TRHDE: variants seen among roughly 807,000 people sequenced by gnomAD.
TRHDE encodes the protein thyrotropin-releasing hormone-degrading ectoenzyme.
A neutral mutation model predicts 125.7 loss-of-function variants in TRHDE; 72 were observed. That is an observed-to-expected ratio of 0.57 (90% CI 0.47 to 0.70). The LOEUF (loss-of-function observed/expected upper bound fraction) is 0.70, where lower values mean the gene tolerates loss of function less well. Ranked by LOEUF, TRHDE falls within the 30% of genes least tolerant of loss-of-function variation. The pLI is 0.00. For missense variants in TRHDE, 1,110 were observed against 1,327.1 expected, an observed-to-expected ratio of 0.84 and a Z score of 2.54; for synonymous variants, 509 against 509.1, an observed-to-expected ratio of 1.00 and a Z score of 0.00.
intron 2 of TRHDE, among the ~76,000 whole-genome samples, chr12:72,153,198 T>C (rs1408280775): frequency 6.6e-6 from 1 of 152,228 alleles, no homozygotes. Flanking sequence ...GTGTTTATAG[T>C]ATTCTCTGAT....
At chr12:72,475,574 A>C (rs1876852631) in intron 5 of TRHDE, among the ~76,000 whole-genome samples, 1 of 152,146 alleles carries the variant, frequency 6.6e-6, no homozygotes, top group African/African-American at 2.4e-5. Context: ...TTTCTTCATC[A>C]TTTTATCAGT....
intron 12 of TRHDE, among the ~76,000 whole-genome samples, chr12:72,608,173 C>T (rs1157542883): frequency 6.6e-6 from 1 of 152,114 alleles, no homozygotes; most frequent in Non-Finnish European, 1.5e-5. Flanking sequence ...GTAGAGGAAG[C>T]AATTACTCCC....
At chr12:72,521,412 A>G (rs1879188295) in intron 6 of TRHDE, among the ~76,000 whole-genome samples, 1 of 152,198 alleles carries the variant, frequency 6.6e-6, no homozygotes, top group Admixed American at 6.5e-5. Context: ...TGGAGCTCAG[A>G]GACCCTGAGT....
chr12:72,321,716 A>G (rs1869104121), intron 2 of TRHDE, among the ~76,000 whole-genome samples: 1 of 152,186 alleles, frequency 6.6e-6, no homozygotes, highest in Admixed American at 6.5e-5. Context: ...TGAATGCATT[A>G]TAGAGGTATA....
intron 3 of TRHDE, among the ~76,000 whole-genome samples, chr12:72,459,619 A>T (rs931385526): frequency 6.6e-6 from 1 of 152,018 alleles, no homozygotes; most frequent in Non-Finnish European, 1.5e-5. Context: ...GCTAGAGTAT[A>T]AGCATTTTTT....
chr12:72,517,976 G>A (rs1878967851), intron 6 of TRHDE, among the ~76,000 whole-genome samples: 2 of 151,352 alleles, frequency 1.3e-5, no homozygotes, highest in African/African-American at 4.9e-5. Flanking sequence ...TCTTAATCCT[G>A]AGTTCTAGTT....
At chr12:72,525,784 C>T (rs1868324759) in intron 6 of TRHDE, among the ~76,000 whole-genome samples, 1 of 151,964 alleles carries the variant, frequency 6.6e-6, no homozygotes, top group African/African-American at 2.4e-5. Context: ...TCTTGCAGAT[C>T]AATACTTAAA....
intron 12 of TRHDE, among the ~76,000 whole-genome samples, chr12:72,614,102 T>C (rs1872722539): frequency 6.6e-6 from 1 of 151,688 alleles, no homozygotes; most frequent in Non-Finnish European, 1.5e-5. Flanking sequence ...ATCAGGAAGA[T>C]AGCATCAATC....
chr12:72,450,732 T>C (rs1178297049), intron 3 of TRHDE, among the ~76,000 whole-genome samples: 1 of 152,146 alleles, frequency 6.6e-6, no homozygotes, highest in Non-Finnish European at 1.5e-5. Flanking sequence ...GTTTTCATAA[T>C]GGCTGTAATA....
intron 3 of TRHDE, among the ~76,000 whole-genome samples, 184 bp downstream of exon 3, chr12:72,378,305 C>T (rs1871989535): frequency 6.6e-6 from 1 of 152,042 alleles, no homozygotes; most frequent in African/African-American, 2.4e-5. Flanking sequence ...GGAATCTTGC[C>T]AATAAGTGCT....
At chr12:72,135,202 A>G (rs568601935) in intron 2 of TRHDE, among the ~76,000 whole-genome samples, 2 of 152,222 alleles carry the variant, frequency 1.3e-5, no homozygotes, top group Non-Finnish European at 2.9e-5. Flanking sequence ...CCAGAGGCGT[A>G]ATCGGAATGA....
At chr12:72,457,690 G>C (rs1243346889) in intron 3 of TRHDE, among the ~76,000 whole-genome samples, 1 of 151,974 alleles carries the variant, frequency 6.6e-6, no homozygotes, top group Non-Finnish European at 1.5e-5. Flanking sequence ...AATGTTGTGT[G>C]AACTACTAGT....
intron 2 of TRHDE, among the ~76,000 whole-genome samples, chr12:72,177,514 A>G (rs1368921178): frequency 6.6e-6 from 1 of 152,160 alleles, no homozygotes; most frequent in Non-Finnish European, 1.5e-5. Context: ...TATGACCAGT[A>G]AGAACAAAAT....
intron 6 of TRHDE, among the ~76,000 whole-genome samples, chr12:72,513,694 C>T (rs797002188): frequency 2.0e-5 from 3 of 151,822 alleles, no homozygotes; most frequent in Non-Finnish European, 2.9e-5. Context: ...CTTGAAGACA[C>T]AGAGATTTTT....
chr12:72,226,313 T>A (rs1436479107), intron 2 of TRHDE, among the ~76,000 whole-genome samples: 1 of 152,224 alleles, frequency 6.6e-6, no homozygotes, highest in African/African-American at 2.4e-5. Context: ...GAGGAGAAAC[T>A]GCTCATATTA....
rs74103685 is a variant in TRHDE, at chr12:72,259,732, C to T, written n.280-118263C>T. 5.0e-3 allele frequency among the ~76,000 whole-genome samples: 758 copies of T among 152,192 alleles called. 11 individuals are homozygous for T. Among genetic ancestry groups the T allele is most frequent in the African/African-American group, 0.017 (723 of 41,518 alleles). On this transcript the variant is annotated intron_variant and non_coding_transcript_variant, in intron 2 of 4. Transcript: ENST00000548156. ...TGTGGAGCCAAGCATCTGATTCTAC[C>T]AGGCCTCTGCCCTGCTCAGCAGCCC...
At chr12:72,630,340 G>A (rs1380058921) in intron 15 of TRHDE, among the ~76,000 whole-genome samples, 1 of 151,676 alleles carries the variant, frequency 6.6e-6, no homozygotes, top group African/African-American at 2.4e-5. Context: ...GAGAGATACC[G>A]GGAGTAAGTC....
intron 2 of TRHDE, among the ~76,000 whole-genome samples, chr12:72,178,821 G>C (rs754170023): frequency 1.3e-5 from 2 of 152,004 alleles, no homozygotes; most frequent in African/African-American, 2.4e-5. Context: ...AGATTTATCT[G>C]AACTGTGAAA....
intron 2 of TRHDE, among the ~76,000 whole-genome samples, chr12:72,117,854 G>GTTTTTTTTTT (rs1445308794): frequency 6.8e-6 from 1 of 146,454 alleles, no homozygotes; most frequent in African/African-American, 2.5e-5. Flanking sequence ...ACTATTTCTT[G>GTTTTTTTTTT]GTTTTTTTTT....
Sources: allele counts gnomAD v4.1 joint callset (sites outside exome capture counted in the v4.1 genomes callset), GRCh38; gene constraint gnomAD v4.1.1; transcripts MANE v1.5; gene names NCBI Gene and HGNC (gene_info 2026-07-23, HGNC 2026-07-21).